FGF14: variants seen among roughly 807,000 people sequenced by gnomAD.
FGF14 encodes the protein fibroblast growth factor 14, also known as fibroblast growth factor homologous factor 4.
FGF14 carries 5 observed loss-of-function variants against 25.5 expected under a neutral mutation model. The observed-to-expected ratio is 0.20, with a 90% CI of 0.10 to 0.41. The LOEUF (loss-of-function observed/expected upper bound fraction) is 0.41, where lower values mean the gene tolerates loss of function less well. Among genes scored for constraint, FGF14 ranks in the 10% least tolerant of loss-of-function variants. The probability of loss-of-function intolerance (pLI) is 1.00; values close to 1 mark genes in which losing one functional copy is unlikely to be tolerated. For synonymous variants in FGF14, 138 were observed against 118.3 expected (o/e 1.17, Z -1.08); for missense variants, 222 against 320.1 (o/e 0.69, Z 2.34).
chr13:102,021,332 C>T (rs1230287374), intron 1 of FGF14, among the ~76,000 whole-genome samples: 9 of 151,944 alleles, frequency 5.9e-5, no homozygotes, highest in African/African-American at 1.7e-4. Context: ...GTAGAGGCTT[C>T]GTAAAAGAGA....
At chr13:102,023,106 C>A (rs2040753013) in intron 1 of FGF14, among the ~76,000 whole-genome samples, 1 of 151,128 alleles carries the variant, frequency 6.6e-6, no homozygotes, top group Non-Finnish European at 1.5e-5. Context: ...AAATACGTAA[C>A]ATATCACCAT....
chr13:102,161,246 G>A (rs1298363238), intron 1 of FGF14, among the ~76,000 whole-genome samples: 1 of 152,028 alleles, frequency 6.6e-6, no homozygotes, highest in African/African-American at 2.4e-5. Context: ...AAGAAAGAGA[G>A]GAAAAAAGGA....
At chr13:102,068,865 G>A (rs1406730593) in intron 1 of FGF14, among the ~76,000 whole-genome samples, 1 of 152,220 alleles carries the variant, frequency 6.6e-6, no homozygotes, top group African/African-American at 2.4e-5. Flanking sequence ...TGCGAGCACA[G>A]GGCGTGGGCT....
At chr13:101,971,964 A>G (rs1427910030) in intron 1 of FGF14, among the ~76,000 whole-genome samples, 1 of 152,222 alleles carries the variant, frequency 6.6e-6, no homozygotes, top group East Asian at 1.9e-4. Flanking sequence ...GAGGGATCCA[A>G]ATGGGAGCTC....
chr13:101,771,257 T>C (rs1057435667), intron 3 of FGF14, among the ~76,000 whole-genome samples: 3 of 152,020 alleles, frequency 2.0e-5, no homozygotes, highest in Admixed American at 2.0e-4. Context: ...TATCTCTACA[T>C]CCACAAAGAG....
chr13:102,040,205 G>T (rs558153712), intron 1 of FGF14, among the ~76,000 whole-genome samples: 12 of 152,140 alleles, frequency 7.9e-5, no homozygotes, highest in African/African-American at 2.9e-4. Flanking sequence ...GCTCCCTAGT[G>T]GGTTGTTTCC....
At chr13:102,350,361 G>C (rs2057239997) in intron 1 of FGF14, among the ~76,000 whole-genome samples, 2 of 147,268 alleles carry the variant, frequency 1.4e-5, no homozygotes, top group African/African-American at 5.1e-5. Flanking sequence ...GTGACAGAGT[G>C]AAACCCTCTT....
chr13:102,397,355 T>C (rs1241175267), intron 1 of FGF14, among the ~76,000 whole-genome samples: 1 of 152,146 alleles, frequency 6.6e-6, no homozygotes, highest in East Asian at 1.9e-4. Flanking sequence ...AAAGTGATCA[T>C]GGGTCCTACC....
chr13:102,101,093 C>T (rs1370028387), intron 1 of FGF14, among the ~76,000 whole-genome samples: 5 of 151,504 alleles, frequency 3.3e-5, no homozygotes, highest in Non-Finnish European at 5.9e-5. Flanking sequence ...AGCGAGACTC[C>T]GTCTCCCGCA....
chr13:101,952,082 A>G (rs556474130), intron 1 of FGF14, among the ~76,000 whole-genome samples: 1 of 152,326 alleles, frequency 6.6e-6, no homozygotes, highest in African/African-American at 2.4e-5. Context: ...ACTATTTTAA[A>G]TGCTGGAAGA....
chr13:101,972,062 T>C (rs2037629598), intron 1 of FGF14, among the ~76,000 whole-genome samples: 1 of 152,214 alleles, frequency 6.6e-6, no homozygotes, highest in Admixed American at 6.5e-5. Flanking sequence ...ATTAAACAAA[T>C]GTTTCTGCCC....
At chr13:101,856,443 T>C (rs1342190959) in intron 3 of FGF14, among the ~76,000 whole-genome samples, 1 of 151,916 alleles carries the variant, frequency 6.6e-6, no homozygotes, top group African/African-American at 2.4e-5. Flanking sequence ...ATAATTTTAA[T>C]ACAAAAATTA....
At chr13:101,864,370 C>T (rs1466681091) in intron 3 of FGF14, among the ~76,000 whole-genome samples, 2 of 152,242 alleles carry the variant, frequency 1.3e-5, no homozygotes, top group African/African-American at 2.4e-5. Context: ...CTTGGTCTAA[C>T]GTTATCACCG....
chr13:102,381,236 T>C (rs2058176569), intron 1 of FGF14, among the ~76,000 whole-genome samples: 1 of 152,178 alleles, frequency 6.6e-6, no homozygotes, highest in African/African-American at 2.4e-5. Flanking sequence ...TACATAAAAA[T>C]TGCTCACTCC....
intron 1 of FGF14, among the ~76,000 whole-genome samples, chr13:102,317,295 C>T (rs1430193225): frequency 1.3e-5 from 2 of 151,956 alleles, no homozygotes; most frequent in Non-Finnish European, 2.9e-5. Flanking sequence ...AAGATCGATT[C>T]AGTAATTTAT....
At chr13:102,305,904 C>T (rs1460312458) in intron 1 of FGF14, among the ~76,000 whole-genome samples, 1 of 152,146 alleles carries the variant, frequency 6.6e-6, no homozygotes, top group South Asian at 2.1e-4. Flanking sequence ...AAATTGAAGA[C>T]AACAGACATG....
chr13:102,256,940 C>T (rs1203115459), intron 1 of FGF14, among the ~76,000 whole-genome samples: 1 of 152,100 alleles, frequency 6.6e-6, no homozygotes, highest in African/African-American at 2.4e-5. Flanking sequence ...TATTTTTGCT[C>T]AATGAAATAA....
chr13:101,821,159 A>G (rs2042134252), intron 3 of FGF14, among the ~76,000 whole-genome samples: 1 of 152,060 alleles, frequency 6.6e-6, no homozygotes, highest in Non-Finnish European at 1.5e-5. Flanking sequence ...CGTGTCAGCC[A>G]GGATGTTCTC....
At chr13:102,278,799 A>C (rs1183344864) in intron 1 of FGF14, among the ~76,000 whole-genome samples, 1 of 152,112 alleles carries the variant, frequency 6.6e-6, no homozygotes, top group Non-Finnish European at 1.5e-5. Context: ...AGGAAATCAA[A>C]TTCCATCAGA....
Sources: gnomAD v4.1 joint callset for allele counts (sites outside exome capture counted in the v4.1 genomes callset) on GRCh38, gnomAD v4.1.1 for gene constraint, MANE v1.5 for transcripts, NCBI Gene and HGNC (gene_info 2026-07-23, HGNC 2026-07-21) for gene names.